SLC2A13: variants seen among roughly 807,000 people sequenced by gnomAD.
SLC2A13 encodes the protein solute carrier family 2 member 13, also known as proton myo-inositol cotransporter.
Under a neutral mutation model 64.4 loss-of-function variants are expected in SLC2A13, and 32 were observed. That is an observed-to-expected ratio of 0.50 (90% confidence interval 0.37 to 0.67). The LOEUF (loss-of-function observed/expected upper bound fraction) is 0.67. Ranked by LOEUF, SLC2A13 falls within the 30% of genes least tolerant of loss-of-function variation. SLC2A13 has a pLI of 0.00. For missense variants in SLC2A13, 743 were observed against 829.2 expected (o/e 0.90, Z 1.28); for synonymous variants, 338 against 327.1 (o/e 1.03, Z -0.36).
intron 7 of SLC2A13, among the ~76,000 whole-genome samples, chr12:39,787,530 T>C (rs1470507248): frequency 6.6e-6 from 1 of 152,168 alleles, no homozygotes; most frequent in Non-Finnish European, 1.5e-5. Flanking sequence ...ATCCCAGGCA[T>C]ACTACTTTTC....
intron 3 of SLC2A13, among the ~76,000 whole-genome samples, chr12:40,025,615 G>A (rs1197220994): frequency 1.3e-5 from 2 of 152,094 alleles, no homozygotes; most frequent in African/African-American, 4.8e-5. Flanking sequence ...TAAGAAATAG[G>A]GTGTCTTAAA....
intron 4 of SLC2A13, among the ~76,000 whole-genome samples, chr12:39,895,515 T>A (rs1944732332): frequency 2.9e-3 from 2 of 696 alleles, no homozygotes; most frequent in Non-Finnish European, 4.4e-3. Context: ...AAAAAAAAAT[T>A]ATATATATAT....
intron 3 of SLC2A13, among the ~76,000 whole-genome samples, chr12:39,957,668 G>T (rs1018842151): frequency 1.4e-4 from 22 of 152,238 alleles, no homozygotes; most frequent in Admixed American, 1.1e-3. Flanking sequence ...AGCATGTCAG[G>T]TCCTGCGTGC....
At chr12:39,962,465 T>C (rs575265866) in intron 3 of SLC2A13, among the ~76,000 whole-genome samples, 1 of 152,286 alleles carries the variant, frequency 6.6e-6, no homozygotes, top group Non-Finnish European at 1.5e-5. Flanking sequence ...GACAAAAAAA[T>C]CATGTCCAGT....
chr12:39,833,371 A>C (rs1467701223), intron 6 of SLC2A13, among the ~76,000 whole-genome samples: 1 of 151,674 alleles, frequency 6.6e-6, no homozygotes, highest in Non-Finnish European at 1.5e-5. Flanking sequence ...TAACTTCCTT[A>C]CTCCAAGAAC....
chr12:39,915,487 A>G (rs1945507375), intron 4 of SLC2A13, among the ~76,000 whole-genome samples: 2 of 151,988 alleles, frequency 1.3e-5, no homozygotes, highest in Admixed American at 1.3e-4. Context: ...CAGATATCTG[A>G]TTCAGTCACA....
chr12:39,967,464 C>G (rs1171982708), intron 3 of SLC2A13, among the ~76,000 whole-genome samples: 5 of 152,160 alleles, frequency 3.3e-5, no homozygotes, highest in Admixed American at 3.3e-4. Flanking sequence ...TTCTATAACT[C>G]TACTGAATGA....
chr12:40,007,458 C>A (rs191463511), intron 3 of SLC2A13, among the ~76,000 whole-genome samples: 2 of 151,986 alleles, frequency 1.3e-5, no homozygotes, highest in African/African-American at 4.8e-5. Context: ...GTCCACCAAA[C>A]TATTTTATTT....
intron 4 of SLC2A13, among the ~76,000 whole-genome samples, chr12:39,911,750 A>C (rs996812181): frequency 2.0e-5 from 3 of 152,098 alleles, no homozygotes; most frequent in Admixed American, 2.0e-4. Context: ...AACTAATAGG[A>C]AATATAAAAT....
intron 7 of SLC2A13, among the ~76,000 whole-genome samples, chr12:39,813,439 ACCTCTCCTGGGTTACTCTGAAG>A (rs1436063472): frequency 6.6e-6 from 1 of 151,948 alleles, no homozygotes; most frequent in Non-Finnish European, 1.5e-5. Flanking sequence ...CACTTAATCC[ACCTCTCCTGGGTTACTCTGAAG>A]CAAATTTCAG....
At chr12:39,805,201 C>T (rs962118591) in intron 7 of SLC2A13, among the ~76,000 whole-genome samples, 4 of 152,084 alleles carry the variant, frequency 2.6e-5, no homozygotes, top group Non-Finnish European at 5.9e-5. Flanking sequence ...CTCTGCAGGG[C>T]GTGGTTTTTA....
At chr12:39,914,213 A>C (rs1433498596) in intron 4 of SLC2A13, among the ~76,000 whole-genome samples, 3 of 152,068 alleles carry the variant, frequency 2.0e-5, no homozygotes, top group African/African-American at 7.3e-5. Context: ...GGCATGATAT[A>C]GAGATTTAAA....
At chr12:39,901,988 T>A (rs1945129004) in intron 4 of SLC2A13, among the ~76,000 whole-genome samples, 1 of 151,984 alleles carries the variant, frequency 6.6e-6, no homozygotes, top group Admixed American at 6.6e-5. Flanking sequence ...GTGGCACATA[T>A]ACACCATGGA....
intron 4 of SLC2A13, among the ~76,000 whole-genome samples, chr12:39,901,468 C>G (rs1180153377): frequency 4.2e-5 from 6 of 142,730 alleles, no homozygotes; most frequent in Non-Finnish European, 7.6e-5. Context: ...TATCCAGAAT[C>G]TACAATGAAC....
At chr12:39,999,836 T>C (rs1947294779) in intron 3 of SLC2A13, among the ~76,000 whole-genome samples, 1 of 152,188 alleles carries the variant, frequency 6.6e-6, no homozygotes, top group Admixed American at 6.5e-5. Context: ...AACTAATCCC[T>C]GTTCTTGTAC....
Position 39,972,019 on chromosome 12 carries a change from T to TA in SLC2A13, c.926-20655_926-20654insT, listed in dbSNP as rs1565569195. On this transcript the variant is annotated intron_variant, in intron 3 of 9. Coordinates refer to ENST00000280871, the MANE Select transcript of SLC2A13 (RefSeq NM_052885.4). ...AAAAATATATATATATATATATTTT[T>TA]TTTTATATAAATATATATATAAATT... Among the ~76,000 whole-genome samples the TA allele has an allele frequency of 6.0e-3, 86 of 14,270 alleles. 1 individual carries two copies. The highest frequency in any genetic ancestry group is 0.011 in the Admixed American group (12 of 1,124). The allele number at this position is 14,270 out of a possible 152,430, so 9.4% of individuals were successfully genotyped here.
chr12:39,764,350 A>G, intron 9 of SLC2A13, 110 bp downstream of exon 9: 2 of 1,041,706 alleles, frequency 1.9e-6, no homozygotes, highest in African/African-American at 3.3e-5. Flanking sequence ...GGAGATACTT[A>G]TAACAGCAAA....
rs777042303 is a variant in SLC2A13 at position 39,759,981 on chromosome 12, T to C, written c.*45A>G. 2.7e-6 allele frequency: 4 copies of C among 1,473,702 alleles called. No individual in the cohort carries two copies. Among genetic ancestry groups the C allele is most frequent in the Non-Finnish European group, 1.9e-6 (2 of 1,058,816 alleles). The allele number at this position is 1,473,702 out of a possible 1,614,324, so 91.3% of individuals were successfully genotyped here. On this transcript the variant is annotated 3_prime_UTR_variant, in exon 10 of 10. Coordinates refer to ENST00000280871, the MANE Select transcript of SLC2A13 (RefSeq NM_052885.4). ...GTGAAGTCACCAATTGCTGTTCTTC[T>C]CCCCCCAGTTTGTTTAAATAACTAA...
At chr12:39,842,478 C>T (rs1943202012) in intron 6 of SLC2A13, among the ~76,000 whole-genome samples, 1 of 152,008 alleles carries the variant, frequency 6.6e-6, no homozygotes, top group Non-Finnish European at 1.5e-5. Context: ...TAACATGTGA[C>T]ACTCTGATAG....
Sources: gnomAD v4.1 joint callset for allele counts (sites outside exome capture counted in the v4.1 genomes callset) on GRCh38, gnomAD v4.1.1 for gene constraint, MANE v1.5 for transcripts, NCBI Gene and HGNC (gene_info 2026-07-23, HGNC 2026-07-21) for gene names.